ZNF518A: variants seen among roughly 807,000 people sequenced by gnomAD.
The protein encoded by ZNF518A is zinc finger protein 518.
A neutral mutation model predicts 102.7 loss-of-function variants in ZNF518A; 47 were observed. The ratio of observed to expected loss-of-function variants is 0.46; its 90% CI spans 0.36 to 0.58. The LOEUF (loss-of-function observed/expected upper bound fraction) is 0.58. Ranked by LOEUF, ZNF518A falls within the 20% of genes least tolerant of loss-of-function variation. The probability of loss-of-function intolerance (pLI) is 0.00; values close to 1 mark genes in which losing one functional copy is unlikely to be tolerated. For missense variants in ZNF518A, 1,793 were observed against 1,699.8 expected, an observed-to-expected ratio of 1.05 and a Z score of -0.96; for synonymous variants, 652 against 594.6, an observed-to-expected ratio of 1.10 and a Z score of -1.40.
chr10:96,198,225 A>G (rs2083525710), intron 1 of ZNF518A, among the ~76,000 whole-genome samples: 1 of 152,124 alleles, frequency 6.6e-6, no homozygotes, highest in Non-Finnish European at 1.5e-5. Flanking sequence ...AGAAAATGGG[A>G]TTTAATAAAA....
rs587626380 is a variant in ZNF518A, at chr10:96,142,750, C to T, written c.-302+9102C>T. ...CTCTTCAAATCTTCCTTATCTTTGG[C>T]ATTTTACTTTGGGAATTATCTTTTA... is the stretch of plus-strand genomic sequence containing the variant. On this transcript the variant is annotated intron_variant, in intron 3 of 5. Coordinates refer to ENST00000316045, the MANE Select transcript of ZNF518A (RefSeq NM_001330736.2). 2.0e-5 allele frequency among the ~76,000 whole-genome samples: 3 copies of T among 151,250 alleles called. No homozygotes were observed. The South Asian group carries it at 6.3e-4, about 32-fold the overall frequency.
In ZNF518A at chr10:96,158,408, C is replaced by T; in HGVS notation, c.2086C>T (p.Leu696=). 1 of 1,613,392 alleles carries T rather than the reference C, an allele frequency of 6.2e-7. No homozygotes were observed. Among genetic ancestry groups the T allele is most frequent in the African/African-American group, 1.3e-5 (1 of 75,016 alleles). The change falls in exon 6 of 6, where the codon CTA becomes TTA. Residue 696 remains leucine, a synonymous_variant. Coordinates refer to ENST00000316045, the MANE Select transcript of ZNF518A (RefSeq NM_001330736.2). ...GCAGGAGAGCTCAAAACCAGATAGC[C>T]TATTAGCATCTATTAGCCTTTTAAA... ...VRQESSKPDS[L]LASISLLNDK...
chr10:96,201,088 A>G lies in ZNF518A; in HGVS notation n.36-2486A>G, dbSNP rs144913246. 8.7e-5 allele frequency: 137 copies of G among 1,579,392 alleles called. No individual in the cohort carries two copies. In the East Asian group the frequency reaches 2.7e-3, roughly 31 times the overall value. ...AAGGGATCAGAAAAGTCCTTCAATTAATCTTCATATTTCTTGAACTCTTTC... is the reference window on the plus strand; with the variant it reads ...AAGGGATCAGAAAAGTCCTTCAATTGATCTTCATATTTCTTGAACTCTTTC... On this transcript the variant is annotated intron_variant and non_coding_transcript_variant, in intron 1 of 2. Transcript: ENST00000442635.
chr10:96,169,172 T>G (rs587769793), intron 1 of ZNF518A, among the ~76,000 whole-genome samples: 1 of 150,166 alleles, frequency 6.7e-6, no homozygotes, highest in South Asian at 2.1e-4. Context: ...CAGCTAACTT[T>G]TAAAAAAATT....
chr10:96,203,225 A>G (rs928692447), intron 1 of ZNF518A, among the ~76,000 whole-genome samples: 1 of 152,086 alleles, frequency 6.6e-6, no homozygotes, highest in African/African-American at 2.4e-5. Context: ...GGTATAATAA[A>G]CCTTTTTAAA....
chr10:96,141,649 T>TA (rs1554876544), intron 3 of ZNF518A, among the ~76,000 whole-genome samples: 1 of 152,238 alleles, frequency 6.6e-6, no homozygotes, highest in African/African-American at 2.4e-5. Flanking sequence ...GACTCACAGA[T>TA]ACACTAGAAT....
rs182225323 is a variant in ZNF518A at position 96,201,307 on chromosome 10, C to T, written n.36-2267C>T. On this transcript the variant is annotated intron_variant and non_coding_transcript_variant, in intron 1 of 2. Transcript: ENST00000442635. ...ACCCAATTTTCCTCATGTAGTTCCA[C>T]CAGAAAAACATTGCAACAGATGAAA... is the stretch of plus-strand genomic sequence containing the variant. 5.3e-5 allele frequency among the ~76,000 whole-genome samples: 8 copies of T among 152,182 alleles called. No individual in the cohort carries two copies. In the East Asian group the frequency reaches 1.5e-3, roughly 29 times the overall value.
chr10:96,172,955 C>A (rs587618964), intron 1 of ZNF518A, among the ~76,000 whole-genome samples: 1 of 152,116 alleles, frequency 6.6e-6, no homozygotes, highest in Non-Finnish European at 1.5e-5. Flanking sequence ...TTCAATCAAT[C>A]ATGGATCAAA....
At chr10:96,187,299 A>T (rs2083277960) in intron 1 of ZNF518A, among the ~76,000 whole-genome samples, 1 of 152,216 alleles carries the variant, frequency 6.6e-6, no homozygotes, top group South Asian at 2.1e-4. Flanking sequence ...AGCTTACTTT[A>T]GCTCTTGAAT....
At chr10:96,130,825 A>G (rs587630544) in intron 1 of ZNF518A, 73 bp downstream of exon 1, 1 of 152,382 alleles carries the variant, frequency 6.6e-6, no homozygotes, top group South Asian at 2.1e-4. Flanking sequence ...TCTCACATGT[A>G]GGGTTCATTT....
chr10:96,197,497 A>G (rs1325036529), intron 1 of ZNF518A, among the ~76,000 whole-genome samples: 1 of 152,120 alleles, frequency 6.6e-6, no homozygotes, highest in Non-Finnish European at 1.5e-5. Context: ...TGTGCTAAAT[A>G]AGGTTTTATG....
Position 96,158,956 on chromosome 10 carries a change from G to A in ZNF518A, c.2634G>A (p.Met878Ile). ...AAGATGTGAGAGATTCAGAGAAGAT[G>A]CCTAGAATTTCAGGTTTTGGCACAT... ...IPQDVRDSEK[M>I]PRISGFGTLL... The change falls in exon 6 of 6, where the codon ATG becomes ATA. Residue 878 changes from methionine to isoleucine, a missense_variant. Transcript: ENST00000316045. The A allele has an allele frequency of 6.2e-7, 1 of 1,613,544 alleles. No individual in the cohort carries two copies. The highest frequency in any genetic ancestry group is 1.7e-5 in the Admixed American group (1 of 59,930).
intron 1 of ZNF518A, among the ~76,000 whole-genome samples, chr10:96,191,043 C>T (rs1055131788): frequency 2.6e-5 from 4 of 152,104 alleles, no homozygotes; most frequent in East Asian, 3.8e-4. Flanking sequence ...AACTGAATCA[C>T]GCGGGCAGGT....
chr10:96,161,368 A>T lies in ZNF518A; in HGVS notation c.*594A>T, dbSNP rs1411631203. 1 of 166,754 alleles carries T rather than the reference A, an allele frequency of 6.0e-6. No individual in the cohort carries two copies. Among genetic ancestry groups the T allele is most frequent in the African/African-American group, 2.4e-5 (1 of 41,356 alleles). 10.3% of individuals were successfully genotyped at this position (166,754 alleles called of 1,614,324 possible). On this transcript the variant is annotated 3_prime_UTR_variant, in exon 6 of 6. Coordinates refer to ENST00000316045, the MANE Select transcript of ZNF518A (RefSeq NM_001330736.2). The stretch of plus-strand genomic sequence containing the variant: ...TGCTTGAAGAGTTTTTGGCAAGTAA[A>T]TTTTTTTTCCAGTTGAACTCTGTCA...
intron 1 of ZNF518A, among the ~76,000 whole-genome samples, chr10:96,197,866 A>T (rs1481731905): frequency 6.6e-6 from 1 of 151,674 alleles, no homozygotes; most frequent in African/African-American, 2.4e-5. Flanking sequence ...CAGTGAGCCA[A>T]GATCGTGCCA....
intron 3 of ZNF518A, among the ~76,000 whole-genome samples, chr10:96,144,268 G>T (rs587698922): frequency 3.3e-5 from 5 of 152,042 alleles, no homozygotes; most frequent in African/African-American, 4.8e-5. Flanking sequence ...TTATAGGCAT[G>T]AGTCACCATG....
At chr10:96,149,911 T>C (rs1356868311) in intron 3 of ZNF518A, among the ~76,000 whole-genome samples, 1 of 152,194 alleles carries the variant, frequency 6.6e-6, no homozygotes, top group East Asian at 1.9e-4. Flanking sequence ...ATTGTGCTTT[T>C]CCCTCACATA....
chr10:96,155,880 A>G (rs2082673619), intron 4 of ZNF518A, 44 bp from the exon 5 acceptor site: 1 of 152,686 alleles, frequency 6.5e-6, no homozygotes. Context: ...TAATATAAAA[A>G]TCTTAGCGCT....
intron 1 of ZNF518A, among the ~76,000 whole-genome samples, chr10:96,176,486 C>A (rs1289344957): frequency 1.3e-5 from 2 of 152,170 alleles, no homozygotes; most frequent in African/African-American, 4.8e-5. Context: ...ACATCATAAT[C>A]ACATTTCTGG....
Sources: allele counts gnomAD v4.1 joint callset (sites outside exome capture counted in the v4.1 genomes callset), GRCh38; gene constraint gnomAD v4.1.1; transcripts MANE v1.5; gene names NCBI Gene and HGNC (gene_info 2026-07-23, HGNC 2026-07-21).